Variants in TBC1D1 observed in about 807,000 individuals in gnomAD.
TBC1D1 encodes TBC1 domain family member 1, also known as TBC1 (tre-2/USP6, BUB2, cdc16) domain family, member 1.
Under a neutral mutation model 125.6 loss-of-function variants are expected in TBC1D1, and 89 were observed. The ratio of observed to expected loss-of-function variants is 0.71; its 90% CI spans 0.60 to 0.85. TBC1D1 has a LOEUF of 0.85. Ranked by LOEUF, TBC1D1 falls within the 40% of genes least tolerant of loss-of-function variation. TBC1D1 has a pLI of 0.00. For missense variants in TBC1D1, 1,377 were observed against 1,469.2 expected, an observed-to-expected ratio of 0.94 and a Z score of 1.03; for synonymous variants, 565 against 564.1, an observed-to-expected ratio of 1.00 and a Z score of -0.02.
intron 2 of TBC1D1, among the ~76,000 whole-genome samples, chr4:37,957,196 A>G (rs1457994665): frequency 6.6e-6 from 1 of 152,210 alleles, no homozygotes; most frequent in African/African-American, 2.4e-5. Flanking sequence ...TGGCAGACGT[A>G]TCTCTTCCTT....
intron 2 of TBC1D1, among the ~76,000 whole-genome samples, chr4:37,926,690 G>A (rs1722193995): frequency 6.6e-6 from 1 of 152,206 alleles, no homozygotes; most frequent in African/African-American, 2.4e-5. Context: ...AAGGCTACTT[G>A]GACGTGGACA....
intron 7 of TBC1D1, among the ~76,000 whole-genome samples, chr4:38,033,193 C>A (rs1746512574): frequency 6.6e-6 from 1 of 152,078 alleles, no homozygotes; most frequent in African/African-American, 2.4e-5. Flanking sequence ...ATATGATTAG[C>A]CCTTTAAAAT....
intron 1 of TBC1D1, among the ~76,000 whole-genome samples, chr4:37,901,330 T>C (rs1715949023): frequency 6.6e-6 from 1 of 151,920 alleles, no homozygotes; most frequent in African/African-American, 2.4e-5. Flanking sequence ...CTAATTTTTG[T>C]ATTTTTAGTA....
At chr4:38,018,753 A>G (rs1279014168) in intron 4 of TBC1D1, among the ~76,000 whole-genome samples, 1 of 152,186 alleles carries the variant, frequency 6.6e-6, no homozygotes, top group Non-Finnish European at 1.5e-5. Flanking sequence ...CTTTGTGCAT[A>G]TTACACATAT....
At chr4:38,084,124 C>T (rs1271439541) in intron 12 of TBC1D1, among the ~76,000 whole-genome samples, 4 of 152,020 alleles carry the variant, frequency 2.6e-5, no homozygotes, top group Middle Eastern at 3.2e-3. Flanking sequence ...TTAGTAGAGA[C>T]GGGGTTTCAC....
At chr4:38,099,375 C>T (rs1470954538) in intron 14 of TBC1D1, among the ~76,000 whole-genome samples, 1 of 152,118 alleles carries the variant, frequency 6.6e-6, no homozygotes, top group Non-Finnish European at 1.5e-5. Flanking sequence ...TGTGCGTATA[C>T]ATGGAAAAAC....
chr4:38,109,110 T>C (rs562239145), intron 15 of TBC1D1, among the ~76,000 whole-genome samples: 5 of 152,306 alleles, frequency 3.3e-5, no homozygotes, highest in Admixed American at 3.3e-4. Context: ...GAAACCTTCA[T>C]GGCAAAAGAC....
chr4:38,046,228 C>T (rs1206365342), intron 10 of TBC1D1, among the ~76,000 whole-genome samples: 9 of 151,844 alleles, frequency 5.9e-5, no homozygotes, highest in Admixed American at 1.3e-4. Context: ...AAAAATTAGC[C>T]GGGCGTGGTG....
chr4:37,909,125 T>C (rs1276333409), intron 2 of TBC1D1, among the ~76,000 whole-genome samples: 1 of 152,196 alleles, frequency 6.6e-6, no homozygotes, highest in Non-Finnish European at 1.5e-5. Flanking sequence ...GGAACCAGTG[T>C]ATTCTTGCAT....
chr4:38,094,995 T>C (rs1006282777), intron 13 of TBC1D1, among the ~76,000 whole-genome samples: 2 of 152,164 alleles, frequency 1.3e-5, no homozygotes, highest in African/African-American at 2.4e-5. Flanking sequence ...TCATTGCAGT[T>C]CTAAAATCTC....
chr4:37,941,359 C>T (rs909981938), intron 2 of TBC1D1, among the ~76,000 whole-genome samples: 6 of 152,084 alleles, frequency 3.9e-5, no homozygotes, highest in Admixed American at 2.0e-4. Flanking sequence ...TCTGTGGGAT[C>T]GGTGGTGATA....
chr4:37,982,171 TG>T (rs1421812603), intron 2 of TBC1D1, among the ~76,000 whole-genome samples: 2 of 152,222 alleles, frequency 1.3e-5, no homozygotes, highest in South Asian at 2.1e-4. Flanking sequence ...CAGCCCACCT[TG>T]GGTGCCGGTA....
chr4:38,044,276 C>T, intron 8 of TBC1D1, 86 bp from the exon 9 acceptor site: 3 of 1,444,072 alleles, frequency 2.1e-6, no homozygotes, highest in Non-Finnish European at 2.8e-6. Flanking sequence ...GGCCTGGTGC[C>T]AAAAAGATGT....
chr4:37,999,256 C>CA (rs1738502723), intron 2 of TBC1D1, among the ~76,000 whole-genome samples: 1 of 151,988 alleles, frequency 6.6e-6, no homozygotes, highest in Non-Finnish European at 1.5e-5. Flanking sequence ...TCAAAACAAA[C>CA]AAAAACAGAA....
chr4:38,115,909 C>T lies in TBC1D1; in HGVS notation c.2757C>T (p.Asp919=). 3 of 1,614,210 alleles carry T rather than the reference C, an allele frequency of 1.9e-6. No individual in the cohort carries two copies. Among genetic ancestry groups the T allele is most frequent in the Non-Finnish European group, 2.5e-6 (3 of 1,180,026 alleles). Residue 919 remains aspartate, a synonymous_variant, in exon 16 of 20, where the codon GAC becomes GAT. Coordinates refer to ENST00000261439, the MANE Select transcript of TBC1D1 (RefSeq NM_015173.4). Reference sequence around the variant, plus strand: ...AAATGCTCAAGTTTCTGATGTTTGACATGGGGCTGCGGAAACAGTATCGGC... The same window carrying T: ...AAATGCTCAAGTTTCTGATGTTTGATATGGGGCTGCGGAAACAGTATCGGC...
At chr4:37,939,614 T>C (rs60614543) in intron 2 of TBC1D1, among the ~76,000 whole-genome samples, 4,020 of 152,318 alleles carry the variant, frequency 0.026, 185 homozygotes, top group African/African-American at 0.092. Context: ...ATGTCCTGAA[T>C]GGTATTGCCT....
chr4:37,976,610 C>G (rs898951369), intron 2 of TBC1D1, among the ~76,000 whole-genome samples: 2 of 152,000 alleles, frequency 1.3e-5, no homozygotes, highest in Non-Finnish European at 2.9e-5. Context: ...GTGGTTCCAC[C>G]TGACACATGC....
At chr4:38,021,138 G>A (rs902058779) in intron 5 of TBC1D1, among the ~76,000 whole-genome samples, 5 of 152,238 alleles carry the variant, frequency 3.3e-5, no homozygotes, top group Non-Finnish European at 7.3e-5. Flanking sequence ...GAAGGTGAAG[G>A]AGGAGCAAAG....
intron 2 of TBC1D1, chr4:38,006,902 A>G (rs1453058516): frequency 4.2e-6 from 2 of 473,262 alleles, no homozygotes; most frequent in Non-Finnish European, 4.2e-6. Flanking sequence ...GCAGAATCCA[A>G]GAAACCAGAG....
Sources: allele counts gnomAD v4.1 joint callset (sites outside exome capture counted in the v4.1 genomes callset), GRCh38; gene constraint gnomAD v4.1.1; transcripts MANE v1.5; gene names NCBI Gene and HGNC (gene_info 2026-07-23, HGNC 2026-07-21).